HMBOX1: variants seen among roughly 807,000 people sequenced by gnomAD.
HMBOX1 encodes homeobox-containing protein 1.
In HMBOX1, 14 loss-of-function variants were observed where a neutral mutation model predicts 54.5. That is an observed-to-expected ratio of 0.26 (90% CI 0.17 to 0.40). The LOEUF is 0.40. Among genes scored for constraint, HMBOX1 ranks in the 10% least tolerant of loss-of-function variants. The pLI is 1.00. For synonymous variants in HMBOX1, 160 were observed against 181.0 expected, an observed-to-expected ratio of 0.88 and a Z score of 0.93; for missense variants, 332 against 514.4, an observed-to-expected ratio of 0.65 and a Z score of 3.43.
At chr8:28,961,548 G>C (rs1188811196) in intron 1 of HMBOX1, among the ~76,000 whole-genome samples, 1 of 152,130 alleles carries the variant, frequency 6.6e-6, no homozygotes, top group East Asian at 1.9e-4. Context: ...TCCTTTTAAA[G>C]GCTGGGACAA....
At chr8:28,900,255 A>AC (rs1491234342) in intron 1 of HMBOX1, among the ~76,000 whole-genome samples, 2 of 91,956 alleles carry the variant, frequency 2.2e-5, no homozygotes, top group African/African-American at 8.8e-5. Context: ...ATTCCGTCTC[A>AC]AAAAAAAAAA....
intron 6 of HMBOX1, among the ~76,000 whole-genome samples, chr8:29,044,223 C>G (rs1805255795): frequency 6.6e-6 from 1 of 152,108 alleles, no homozygotes. Context: ...CCAATGCAGA[C>G]AGGAGTGCTG....
rs17059528 is a variant in HMBOX1, at chr8:28,898,375, T to G, written c.-58+7697T>G. 3.3e-3 allele frequency among the ~76,000 whole-genome samples: 510 copies of G among 152,330 alleles called. 4 individuals carry two copies. The highest frequency in any genetic ancestry group is 0.011 in the African/African-American group (454 of 41,566). ...TTCAGTTTTTTCCTGGTAGAATTATTTTTTCCTCCTTGGATTTATGTTTCT... is the reference window on the plus strand; with the variant it reads ...TTCAGTTTTTTCCTGGTAGAATTATGTTTTCCTCCTTGGATTTATGTTTCT... On this transcript the variant is annotated intron_variant, in intron 1 of 9. Transcript: ENST00000287701.
chr8:29,013,802 A>G (rs1428436566), intron 5 of HMBOX1, among the ~76,000 whole-genome samples: 2 of 152,256 alleles, frequency 1.3e-5, no homozygotes, highest in African/African-American at 4.8e-5. Flanking sequence ...TTAAGTTCAC[A>G]GTCTTTTTCC....
chr8:28,911,421 T>C (rs897124351), intron 1 of HMBOX1, among the ~76,000 whole-genome samples: 8 of 152,218 alleles, frequency 5.3e-5, no homozygotes, highest in African/African-American at 1.2e-4. Flanking sequence ...AGTGGCGCGA[T>C]ATCAGCTCAC....
At chr8:29,027,293 C>T (rs1166077257) in intron 6 of HMBOX1, among the ~76,000 whole-genome samples, 3 of 152,118 alleles carry the variant, frequency 2.0e-5, no homozygotes, top group African/African-American at 2.4e-5. Flanking sequence ...TACTTACGGG[C>T]TGTGAGGCAA....
At chr8:28,991,348 T>G (rs1272454727) in intron 4 of HMBOX1, among the ~76,000 whole-genome samples, 3 of 152,198 alleles carry the variant, frequency 2.0e-5, no homozygotes, top group Non-Finnish European at 4.4e-5. Flanking sequence ...TAAATTAGCT[T>G]TAGATACAGC....
intron 4 of HMBOX1, among the ~76,000 whole-genome samples, chr8:28,995,972 G>T (rs940458271): frequency 6.6e-6 from 1 of 152,180 alleles, no homozygotes; most frequent in African/African-American, 2.4e-5. Context: ...CGGGCGTGGT[G>T]GCAGGCGCCT....
At chr8:28,949,600 A>T (rs891542444) in intron 1 of HMBOX1, 1 of 152,172 alleles carries the variant, frequency 6.6e-6, no homozygotes, top group African/African-American at 2.4e-5. Flanking sequence ...CCTTAAGATG[A>T]TCTTACTTAA....
At chr8:28,925,169 A>C (rs1025669986) in intron 1 of HMBOX1, among the ~76,000 whole-genome samples, 1 of 152,202 alleles carries the variant, frequency 6.6e-6, no homozygotes, top group Admixed American at 6.5e-5. Flanking sequence ...ATATCGTTCA[A>C]ATCTCATTGT....
At chr8:28,977,663 G>A (rs982804036) in intron 3 of HMBOX1, among the ~76,000 whole-genome samples, 14 of 152,108 alleles carry the variant, frequency 9.2e-5, no homozygotes, top group Admixed American at 2.6e-4. Context: ...ATTTCAGGCC[G>A]GGCGCGGTGG....
chr8:28,973,808 T>TTTTTTTTTTTTTTTTTG, intron 3 of HMBOX1, among the ~76,000 whole-genome samples: 2 of 7,878 alleles, frequency 2.5e-4, no homozygotes, highest in African/African-American at 7.9e-4. Context: ...ATGGAGTTTT[T>TTTTTTTTTTTTTTTTTG]TTTTTTTTTT....
intron 6 of HMBOX1, among the ~76,000 whole-genome samples, chr8:29,036,041 A>G (rs1278870877): frequency 6.6e-6 from 1 of 152,216 alleles, no homozygotes; most frequent in Non-Finnish European, 1.5e-5. Flanking sequence ...AGGACAAGTG[A>G]TAGCCTGTAT....
At chr8:29,015,531 G>A (rs780669147) in intron 5 of HMBOX1, among the ~76,000 whole-genome samples, 11 of 152,142 alleles carry the variant, frequency 7.2e-5, no homozygotes, top group Non-Finnish European at 1.6e-4. Context: ...CTCTTGCTGT[G>A]CTGTAATCCC....
At chr8:28,986,078 G>T (rs545388692) in intron 4 of HMBOX1, among the ~76,000 whole-genome samples, 4 of 152,182 alleles carry the variant, frequency 2.6e-5, no homozygotes, top group Non-Finnish European at 4.4e-5. Flanking sequence ...TGCTTTGCCT[G>T]TTCATCCCCT....
At chr8:28,991,166 G>C (rs1450648750) in intron 4 of HMBOX1, among the ~76,000 whole-genome samples, 1 of 151,972 alleles carries the variant, frequency 6.6e-6, no homozygotes, top group African/African-American at 2.4e-5. Flanking sequence ...TGGATCTTAG[G>C]GCTTGTGCCC....
intron 4 of HMBOX1, among the ~76,000 whole-genome samples, chr8:28,988,243 G>C (rs1467485190): frequency 6.6e-6 from 1 of 152,128 alleles, no homozygotes. Flanking sequence ...CGTGAGTGTT[G>C]TTACATGTTT....
At chr8:28,927,987 T>G (rs1416315915) in intron 1 of HMBOX1, among the ~76,000 whole-genome samples, 1 of 151,680 alleles carries the variant, frequency 6.6e-6, no homozygotes, top group East Asian at 1.9e-4. Flanking sequence ...ATACAAAAAT[T>G]AGCTGGGCGT....
chr8:28,981,530 T>A (rs1399098107), intron 4 of HMBOX1, among the ~76,000 whole-genome samples: 1 of 152,204 alleles, frequency 6.6e-6, no homozygotes, highest in Non-Finnish European at 1.5e-5. Context: ...CATTTCAGCC[T>A]CCATTACTAG....
Sources: gnomAD v4.1 joint callset for allele counts (sites outside exome capture counted in the v4.1 genomes callset) on GRCh38, gnomAD v4.1.1 for gene constraint, MANE v1.5 for transcripts, NCBI Gene and HGNC (gene_info 2026-07-23, HGNC 2026-07-21) for gene names.